The following GALNT18 variants were observed in gnomAD, a reference collection of about 807,000 sequenced individuals.
GALNT18 encodes polypeptide N-acetylgalactosaminyltransferase 18, also known as GalNAc-transferase 18.
In GALNT18, 44 loss-of-function variants were observed where a neutral mutation model predicts 69.5. That is an observed-to-expected ratio of 0.63 (90% confidence interval 0.50 to 0.81). The LOEUF (loss-of-function observed/expected upper bound fraction) is 0.81. Among genes scored for constraint, GALNT18 ranks in the 40% least tolerant of loss-of-function variants. The probability of loss-of-function intolerance (pLI) is 0.00; values close to 1 mark genes in which losing one functional copy is unlikely to be tolerated. For synonymous variants in GALNT18, 364 were observed against 318.2 expected (o/e 1.14, Z -1.53); for missense variants, 715 against 810.0 (o/e 0.88, Z 1.42).
At chr11:11,385,260 G>A (rs1219345115) in intron 3 of GALNT18, among the ~76,000 whole-genome samples, 2 of 151,450 alleles carry the variant, frequency 1.3e-5, no homozygotes, top group African/African-American at 2.4e-5. Flanking sequence ...TGACTCAAAC[G>A]CCTCCCATTA....
At chr11:11,334,587 A>G (rs1850078539) in intron 7 of GALNT18, among the ~76,000 whole-genome samples, 1 of 152,156 alleles carries the variant, frequency 6.6e-6, no homozygotes. Context: ...TAAAAGAGAT[A>G]GATTCCTTTT....
intron 3 of GALNT18, among the ~76,000 whole-genome samples, chr11:11,408,612 A>G (rs184272905): frequency 6.6e-6 from 1 of 152,248 alleles, no homozygotes; most frequent in East Asian, 1.9e-4. Flanking sequence ...ATATAAAGGA[A>G]AAGAGGCTGC....
chr11:11,446,664 C>A (rs879925480), intron 2 of GALNT18, among the ~76,000 whole-genome samples: 4 of 152,218 alleles, frequency 2.6e-5, no homozygotes, highest in Non-Finnish European at 5.9e-5. Flanking sequence ...TGGTCCAGGC[C>A]ACCACTGCCT....
rs971804298 is a variant in GALNT18, at chr11:11,396,788, T to C, written c.596-17524A>G. On this transcript the variant is annotated intron_variant, in intron 3 of 10. Transcript: ENST00000227756. The surrounding 1 kb of genome is among the most constrained non-coding windows in gnomAD (Gnocchi z 5.2). Reference sequence around the variant, plus strand: ...CAGATGGAGGGAGAGAGAGGCTGTATTTCTGGCCCGCACTGCAGCATCAGT... The same window carrying C: ...CAGATGGAGGGAGAGAGAGGCTGTACTTCTGGCCCGCACTGCAGCATCAGT... Among the ~76,000 whole-genome samples, 3 of 152,108 alleles carry C rather than the reference T, an allele frequency of 2.0e-5. No homozygotes were observed. The highest frequency in any genetic ancestry group is 4.4e-5 in the Non-Finnish European group (3 of 68,020).
chr11:11,412,525 C>T (rs1854754621), intron 3 of GALNT18, among the ~76,000 whole-genome samples: 1 of 152,212 alleles, frequency 6.6e-6, no homozygotes, highest in Admixed American at 6.5e-5. Flanking sequence ...AGGTTCTAAG[C>T]ACTGTGGACA....
At chr11:11,570,209 T>C (rs1432797127) in intron 1 of GALNT18, 3 of 152,634 alleles carry the variant, frequency 2.0e-5, no homozygotes, top group Non-Finnish European at 2.9e-5. Context: ...TGAGTCACCA[T>C]GGGCCACCCC....
At chr11:11,529,401 C>G (rs1246858707) in intron 1 of GALNT18, among the ~76,000 whole-genome samples, 1 of 152,190 alleles carries the variant, frequency 6.6e-6, no homozygotes, top group Non-Finnish European at 1.5e-5. Context: ...GGCTGGAACA[C>G]TGGTCTCTTC....
Position 11,454,957 on chromosome 11 carries a change from C to CA in GALNT18, c.236-6022dup, listed in dbSNP as rs893926560. Among the ~76,000 whole-genome samples the CA allele has an allele frequency of 1.1e-4, 17 of 152,192 alleles. No individual in the cohort carries two copies. The highest frequency in any genetic ancestry group is 2.1e-4 in the Non-Finnish European group (14 of 68,042). ...GCATGACATTTCTGACATTAACAGG[C>CA]AAACAGGCTGACTCCTTCCTCATTG... On this transcript the variant is annotated intron_variant, in intron 1 of 10. Transcript: ENST00000227756. The surrounding 1 kb of genome is among the most constrained non-coding windows in gnomAD (Gnocchi z 4.2).
At chr11:11,468,172 T>C (rs993248670) in intron 1 of GALNT18, among the ~76,000 whole-genome samples, 11 of 152,238 alleles carry the variant, frequency 7.2e-5, no homozygotes, top group Admixed American at 5.2e-4. Flanking sequence ...TGTAGTAATA[T>C]GTTATCATTC....
At chr11:11,580,101 T>G (rs1456336137) in intron 1 of GALNT18, among the ~76,000 whole-genome samples, 1 of 152,150 alleles carries the variant, frequency 6.6e-6, no homozygotes. Context: ...CAGACAGATA[T>G]CTCTGTGAAA....
chr11:11,520,815 G>T (rs562100493), intron 1 of GALNT18, among the ~76,000 whole-genome samples: 1 of 152,306 alleles, frequency 6.6e-6, no homozygotes, highest in Admixed American at 6.5e-5. Context: ...CCGGGGAGGG[G>T]CGTGGGCCAG....
Position 11,364,531 on chromosome 11 carries a change from C to G in GALNT18, c.1092+7984G>C, listed in dbSNP as rs78835281. Among the ~76,000 whole-genome samples, 1,112 of 149,188 alleles carry G rather than the reference C, an allele frequency of 7.5e-3. 15 individuals are homozygous for G. The highest frequency in any genetic ancestry group is 0.027 in the African/African-American group (1,063 of 40,110). ...CTCTGCAGGAAAAATGACCTGATCT[C>G]TTCAAAAACGAAATTACAAGAGGGG... On this transcript the variant is annotated intron_variant, in intron 6 of 10. Coordinates refer to ENST00000227756, the MANE Select transcript of GALNT18 (RefSeq NM_198516.3).
At position 11,372,253 on chromosome 11, in the gene GALNT18, A is replaced by C. The variant is rs1349118925; in HGVS notation, c.1092+262T>G. 6.6e-6 allele frequency among the ~76,000 whole-genome samples: 1 copy of C among 152,056 alleles called. No homozygotes were observed. Among genetic ancestry groups the C allele is most frequent in the African/African-American group, 2.4e-5 (1 of 41,362 alleles). ...TCTGATGGGCCTCAGTTTGATTTTAAAAGAGGCTGTTCCCTTGAGTTGGCA... is the reference window on the plus strand; with the variant it reads ...TCTGATGGGCCTCAGTTTGATTTTACAAGAGGCTGTTCCCTTGAGTTGGCA... On this transcript the variant is annotated intron_variant, in intron 6 of 10. Transcript: ENST00000227756. The surrounding 1 kb of genome is among the most constrained non-coding windows in gnomAD (Gnocchi z 4.9).
intron 1 of GALNT18, among the ~76,000 whole-genome samples, chr11:11,524,399 A>C (rs1165048147): frequency 1.3e-5 from 2 of 152,220 alleles, no homozygotes; most frequent in African/African-American, 4.8e-5. Context: ...ATTGCCTTGC[A>C]GTATCCCTCC....
At chr11:11,316,496 C>A (rs1163559197) in intron 9 of GALNT18, among the ~76,000 whole-genome samples, 2 of 152,190 alleles carry the variant, frequency 1.3e-5, no homozygotes, top group East Asian at 3.9e-4. Flanking sequence ...TCGTGGAATT[C>A]ATCTCCAGGT....
intron 9 of GALNT18, among the ~76,000 whole-genome samples, chr11:11,298,823 C>T (rs1413136332): frequency 6.6e-6 from 1 of 152,104 alleles, no homozygotes; most frequent in Non-Finnish European, 1.5e-5. Flanking sequence ...GTTTGAAAAC[C>T]ACTTCTCTGA....
At chr11:11,273,187 C>A (rs1185893249) in intron 10 of GALNT18, among the ~76,000 whole-genome samples, 2 of 149,512 alleles carry the variant, frequency 1.3e-5, no homozygotes, top group Non-Finnish European at 3.0e-5. Context: ...GCAACCAAAG[C>A]AAAAATGGAC....
chr11:11,364,987 C>T (rs145290461), intron 6 of GALNT18, among the ~76,000 whole-genome samples: 194 of 147,882 alleles, frequency 1.3e-3, no homozygotes, highest in African/African-American at 4.4e-3. Flanking sequence ...CGATATTGTC[C>T]ATAATAAAGA....
chr11:11,530,053 G>A (rs1468819174), intron 1 of GALNT18, among the ~76,000 whole-genome samples: 1 of 152,076 alleles, frequency 6.6e-6, no homozygotes, highest in East Asian at 1.9e-4. Flanking sequence ...TTGAAGTCAA[G>A]GCCTTAATTG....
Sources: gnomAD v4.1 joint callset for allele counts (sites outside exome capture counted in the v4.1 genomes callset) on GRCh38, gnomAD v4.1.1 for gene constraint, Gnocchi (gnomAD v3.1) non-coding constraint, MANE v1.5 for transcripts, NCBI Gene and HGNC (gene_info 2026-07-23, HGNC 2026-07-21) for gene names.